The following SOX5 variants were observed in gnomAD, a reference collection of about 807,000 sequenced individuals.
SOX5 encodes transcription factor SOX-5.
SOX5 carries 9 observed loss-of-function variants against 92.0 expected under a neutral mutation model. The ratio of observed to expected loss-of-function variants is 0.10; its 90% confidence interval spans 0.06 to 0.17. The LOEUF is 0.17. Ranked by LOEUF, SOX5 falls within the 10% of genes least tolerant of loss-of-function variation. The probability of loss-of-function intolerance (pLI) is 1.00; values close to 1 mark genes in which losing one functional copy is unlikely to be tolerated. For missense variants in SOX5, 642 were observed against 944.5 expected, an observed-to-expected ratio of 0.68 and a Z score of 4.20; for synonymous variants, 344 against 336.3, an observed-to-expected ratio of 1.02 and a Z score of -0.25.
intron 6 of SOX5, among the ~76,000 whole-genome samples, chr12:23,704,390 T>C (rs191024564): frequency 5.3e-5 from 8 of 151,896 alleles, no homozygotes; most frequent in African/African-American, 1.9e-4. Flanking sequence ...TTCTCCCTTA[T>C]TTTGTCAATT....
chr12:24,120,783 G>T (rs1292862301), intron 4 of SOX5, among the ~76,000 whole-genome samples: 2 of 152,282 alleles, frequency 1.3e-5, no homozygotes, highest in African/African-American at 4.8e-5. Context: ...ATCTGATCAT[G>T]GTTGTGTTTT....
At chr12:23,645,699 TATA>T (rs559255779) in intron 7 of SOX5, among the ~76,000 whole-genome samples, 212 of 152,334 alleles carry the variant, frequency 1.4e-3, no homozygotes, top group African/African-American at 4.9e-3. Flanking sequence ...ATGCATATGT[TATA>T]ATCTTTTTAT....
intron 2 of SOX5, among the ~76,000 whole-genome samples, chr12:23,872,059 G>C (rs905085852): frequency 6.8e-6 from 1 of 147,846 alleles, no homozygotes; most frequent in African/African-American, 2.5e-5. Flanking sequence ...GTGCAGTGGC[G>C]CCATCTCAGC....
intron 13 of SOX5, among the ~76,000 whole-genome samples, chr12:23,538,398 TAG>T (rs528171170): frequency 2.4e-3 from 362 of 152,328 alleles, no homozygotes; most frequent in African/African-American, 7.9e-3. Flanking sequence ...GTGCAAATAA[TAG>T]AGTTTCTTTT....
At chr12:23,912,556 T>C (rs1254464634) in intron 1 of SOX5, among the ~76,000 whole-genome samples, 2 of 152,192 alleles carry the variant, frequency 1.3e-5, no homozygotes, top group Non-Finnish European at 2.9e-5. Flanking sequence ...AACAGCATTA[T>C]TCATAATAGC....
intron 1 of SOX5, among the ~76,000 whole-genome samples, chr12:24,454,011 T>G (rs143680363): frequency 6.6e-6 from 1 of 152,178 alleles, no homozygotes; most frequent in African/African-American, 2.4e-5. Flanking sequence ...GGTAGTCAAA[T>G]TAATCTAATT....
chr12:23,532,185 T>C lies in SOX5; in HGVS notation c.*2034A>G, dbSNP rs1184098911. On this transcript the variant is annotated 3_prime_UTR_variant, in exon 15 of 15. Coordinates refer to ENST00000451604, the MANE Select transcript of SOX5 (RefSeq NM_006940.6). Reference sequence around the variant, plus strand: ...AGAGGCAGTTCAAATGTAAATAAAGTCATCAAAAACAAACAAACAGAAAAA... The same window carrying C: ...AGAGGCAGTTCAAATGTAAATAAAGCCATCAAAAACAAACAAACAGAAAAA... 1 of 151,456 alleles carries C rather than the reference T, an allele frequency of 6.6e-6. No homozygotes were observed. Among genetic ancestry groups the C allele is most frequent in the Non-Finnish European group, 1.5e-5 (1 of 67,894 alleles). The allele number at this position is 151,456 out of a possible 1,614,324, so 9.4% of individuals were successfully genotyped here.
At chr12:23,962,158 G>A (rs1292482880) in intron 4 of SOX5, among the ~76,000 whole-genome samples, 1 of 152,112 alleles carries the variant, frequency 6.6e-6, no homozygotes, top group Non-Finnish European at 1.5e-5. Context: ...GTGTGAGAAG[G>A]TGAGTAAAGC....
At chr12:23,622,685 A>G (rs2077324405) in intron 8 of SOX5, among the ~76,000 whole-genome samples, 1 of 152,174 alleles carries the variant, frequency 6.6e-6, no homozygotes, top group Non-Finnish European at 1.5e-5. Flanking sequence ...GATCTGGTAC[A>G]TCACACTTCC....
chr12:24,066,451 T>A (rs1364768264), intron 4 of SOX5, among the ~76,000 whole-genome samples: 3 of 151,940 alleles, frequency 2.0e-5, no homozygotes, highest in African/African-American at 7.3e-5. Context: ...TCAATAAGTG[T>A]TGAAATAATG....
intron 1 of SOX5, among the ~76,000 whole-genome samples, chr12:24,527,106 T>C (rs1950783742): frequency 6.6e-6 from 1 of 152,192 alleles, no homozygotes; most frequent in African/African-American, 2.4e-5. Context: ...TTCTTTATTG[T>C]TTGTTTTCTA....
chr12:23,899,434 T>A (rs906458089), intron 1 of SOX5, among the ~76,000 whole-genome samples: 1 of 150,366 alleles, frequency 6.7e-6, no homozygotes. Context: ...GCACCACAAG[T>A]GTGCATATAT....
intron 6 of SOX5, among the ~76,000 whole-genome samples, chr12:23,681,462 A>T (rs1324037382): frequency 1.3e-5 from 2 of 151,914 alleles, no homozygotes; most frequent in Non-Finnish European, 2.9e-5. Flanking sequence ...AGACCAAGAG[A>T]TTGAATATTT....
At chr12:23,948,746 T>G (rs890284470) in intron 1 of SOX5, among the ~76,000 whole-genome samples, 26 of 152,158 alleles carry the variant, frequency 1.7e-4, no homozygotes, top group African/African-American at 6.3e-4. Context: ...TATAGGAACA[T>G]TAAGAGGGCT....
intron 1 of SOX5, among the ~76,000 whole-genome samples, chr12:24,425,964 G>A (rs568277215): frequency 1.2e-4 from 18 of 152,212 alleles, no homozygotes; most frequent in Middle Eastern, 3.4e-3. Context: ...GATTGAGTGC[G>A]GTCATATGTT....
At chr12:23,842,635 TAC>T in intron 3 of SOX5, among the ~76,000 whole-genome samples, 1 of 152,242 alleles carries the variant, frequency 6.6e-6, no homozygotes, top group South Asian at 2.1e-4. Flanking sequence ...CCCAATATCT[TAC>T]AGAGTCAGAA....
At chr12:23,588,752 T>C (rs930894972) in intron 9 of SOX5, among the ~76,000 whole-genome samples, 1 of 148,610 alleles carries the variant, frequency 6.7e-6, no homozygotes, top group African/African-American at 2.5e-5. Flanking sequence ...CACACACACA[T>C]ATGTACACAT....
At chr12:24,344,776 A>G (rs1456034206) in intron 2 of SOX5, among the ~76,000 whole-genome samples, 5 of 152,186 alleles carry the variant, frequency 3.3e-5, no homozygotes, top group Non-Finnish European at 7.3e-5. Context: ...GAAATACGAA[A>G]CAAAGGCTTG....
At chr12:23,821,393 C>A (rs1257251342) in intron 3 of SOX5, among the ~76,000 whole-genome samples, 8 of 152,292 alleles carry the variant, frequency 5.3e-5, no homozygotes, top group African/African-American at 1.9e-4. Flanking sequence ...GACTTCCTCT[C>A]TTCCTATTTG....
Sources: allele counts gnomAD v4.1 joint callset (sites outside exome capture counted in the v4.1 genomes callset), GRCh38; gene constraint gnomAD v4.1.1; transcripts MANE v1.5; gene names NCBI Gene and HGNC (gene_info 2026-07-23, HGNC 2026-07-21).